PCDHA1: variants seen among roughly 807,000 people sequenced by gnomAD.
PCDHA1 encodes the protein protocadherin alpha-1.
In PCDHA1, 42 loss-of-function variants were observed where a neutral mutation model predicts 61.3. That is an observed-to-expected ratio of 0.69 (90% CI 0.54 to 0.89). The LOEUF is 0.89. Ranked by LOEUF, PCDHA1 falls within the 40% of genes least tolerant of loss-of-function variation. The probability of loss-of-function intolerance (pLI) is 0.00; values close to 1 mark genes in which losing one functional copy is unlikely to be tolerated. For missense variants in PCDHA1, 1,256 were observed against 1,235.3 expected (o/e 1.02, Z -0.25); for synonymous variants, 610 against 553.8 (o/e 1.10, Z -1.43).
intron 1 of PCDHA1, chr5:140,801,842 T>G: frequency 6.2e-7 from 1 of 1,614,054 alleles, no homozygotes; most frequent in Non-Finnish European, 8.5e-7. Flanking sequence ...TAACAGCAAT[T>G]GATGGTGGGA....
intron 1 of PCDHA1, chr5:140,807,762 T>C (rs1764027827): frequency 1.2e-6 from 2 of 1,614,224 alleles, no homozygotes; most frequent in East Asian, 2.2e-5. Flanking sequence ...GTAAAAGGTC[T>C]TGGGCTTATA....
rs149782026 is a variant in PCDHA1, at chr5:140,944,645, G to A, written c.2395-34304G>A. ...TAGTGTTGTAAGCCAGTGTGGATTG[G>A]GAGTCCATACCCCTTATTTATCTAT... On this transcript the variant is annotated intron_variant, in intron 1 of 3. Coordinates refer to ENST00000504120, the MANE Select transcript of PCDHA1 (RefSeq NM_018900.4). Among the ~76,000 whole-genome samples, 728 of 152,260 alleles carry A rather than the reference G, an allele frequency of 4.8e-3. 7 individuals are homozygous for A. The highest frequency in any genetic ancestry group is 0.017 in the African/African-American group (702 of 41,552).
intron 1 of PCDHA1, among the ~76,000 whole-genome samples, chr5:140,917,324 CG>C (rs1299895515): frequency 5.3e-5 from 4 of 76,126 alleles, no homozygotes; most frequent in African/African-American, 1.7e-4. Context: ...GTTCATGTGG[CG>C]GGGGAGGGGG....
chr5:140,825,432 T>C (rs1768574114), intron 1 of PCDHA1: 1 of 147,582 alleles, frequency 6.8e-6, no homozygotes, highest in Admixed American at 6.8e-5. Flanking sequence ...ATAATAAATA[T>C]ATAATAATAA....
chr5:140,888,583 G>C (rs2061886743), intron 1 of PCDHA1, among the ~76,000 whole-genome samples: 1 of 152,184 alleles, frequency 6.6e-6, no homozygotes, highest in African/African-American at 2.4e-5. Flanking sequence ...AGATTTGTTA[G>C]TACACATTCA....
intron 3 of PCDHA1, among the ~76,000 whole-genome samples, chr5:140,997,576 G>A (rs528258685): frequency 5.9e-5 from 9 of 152,166 alleles, no homozygotes; most frequent in African/African-American, 2.4e-5. Flanking sequence ...TGTGTGGTCC[G>A]TTGTTGACTG....
At chr5:140,813,486 C>A (rs2126646762) in intron 1 of PCDHA1, 1 of 152,128 alleles carries the variant, frequency 6.6e-6, no homozygotes, top group Non-Finnish European at 1.5e-5. Context: ...TATATCTAAA[C>A]ATCTAAAAGG....
Position 140,842,808 on chromosome 5 carries a change from A to G in PCDHA1, c.2394+54124A>G. 1.3e-6 allele frequency: 2 copies of G among 1,594,086 alleles called. No individual in the cohort carries two copies. Among genetic ancestry groups the G allele is most frequent in the Non-Finnish European group, 1.7e-6 (2 of 1,165,358 alleles). ...GCGCTGGTGTCCTACTCGCTTGTGG[A>G]GCGGCGGGTGGGCGAGCGCTCGCTG... On this transcript the variant is annotated intron_variant, in intron 1 of 3. Coordinates refer to ENST00000504120, the MANE Select transcript of PCDHA1 (RefSeq NM_018900.4).
rs1192549493 is a variant in PCDHA1, at chr5:140,824,420, T to A, written c.2394+35736T>A. ...AATAATTGTAAGACATAGTTTGGAG[T>A]CATTCTCAAAGTTTCAGTTTATGAC... On this transcript the variant is annotated intron_variant, in intron 1 of 3. Transcript: ENST00000504120. The A allele has an allele frequency of 2.3e-5, 12 of 510,878 alleles. No individual in the cohort carries two copies. The South Asian group carries it at 3.4e-4, about 14-fold the overall frequency. The allele number at this position is 510,878 out of a possible 1,614,324, so 31.6% of individuals were successfully genotyped here.
intron 1 of PCDHA1, chr5:140,824,124 C>G (rs2150132311): frequency 3.7e-5 from 59 of 1,613,132 alleles, no homozygotes; most frequent in Non-Finnish European, 4.8e-5. Flanking sequence ...CCTCTACAGA[C>G]AACGTGAGTT....
At position 140,944,954 on chromosome 5, in the gene PCDHA1, G is replaced by T. The variant is rs59917150; in HGVS notation, c.2395-33995G>T. Among the ~76,000 whole-genome samples the T allele has an allele frequency of 8.9e-3, 1,356 of 152,182 alleles. 15 individuals are homozygous for T. Among genetic ancestry groups the T allele is most frequent in the African/African-American group, 0.032 (1,311 of 41,514 alleles). ...CTTCTTTAGATGATTGTGAATAAGA[G>T]TATTATCTTAACCTCTCTGGTGGGT... On this transcript the variant is annotated intron_variant, in intron 1 of 3. Coordinates refer to ENST00000504120, the MANE Select transcript of PCDHA1 (RefSeq NM_018900.4).
intron 1 of PCDHA1, chr5:140,857,669 G>T (rs926570494): frequency 5.0e-6 from 8 of 1,596,800 alleles, no homozygotes; most frequent in East Asian, 2.2e-5. Flanking sequence ...CGATGGGGGC[G>T]TGCCGCCTCT....
At chr5:141,001,908 G>T (rs2098043431) in intron 3 of PCDHA1, among the ~76,000 whole-genome samples, 1 of 152,198 alleles carries the variant, frequency 6.6e-6, no homozygotes, top group Non-Finnish European at 1.5e-5. Flanking sequence ...GTTTGAAAAA[G>T]ACTGCAGTGG....
rs781878255 is a variant in PCDHA1 at position 140,856,536 on chromosome 5, A to G, written c.2394+67852A>G. 8.1e-6 allele frequency: 13 copies of G among 1,598,388 alleles called. 1 individual carries two copies. The East Asian group carries it at 2.2e-4, about 27-fold the overall frequency. ...GGCGCATCTGATGCGGATGTTGGAG[A>G]GAACGCATTGCTTACTTACAAACTC... is the stretch of plus-strand genomic sequence containing the variant. On this transcript the variant is annotated intron_variant, in intron 1 of 3. Transcript: ENST00000504120.
chr5:140,937,937 G>T (rs1584936873), intron 1 of PCDHA1, among the ~76,000 whole-genome samples: 1 of 151,274 alleles, frequency 6.6e-6, no homozygotes. Flanking sequence ...AGTTTAATTT[G>T]ATAATTGGCT....
intron 1 of PCDHA1, chr5:140,926,768 C>T: frequency 2.2e-6 from 3 of 1,361,764 alleles, no homozygotes; most frequent in Non-Finnish European, 2.9e-6. Context: ...GTATCCAGCC[C>T]GCAGCAGTGA....
chr5:140,848,317 A>T, intron 1 of PCDHA1: 1 of 749,894 alleles, frequency 1.3e-6, no homozygotes. Context: ...CTTTGCCGCG[A>T]TGTTCTCTCT....
chr5:140,834,552 G>A (rs2150220823), intron 1 of PCDHA1: 3 of 1,614,094 alleles, frequency 1.9e-6, no homozygotes, highest in Non-Finnish European at 8.5e-7. Flanking sequence ...GCTGGAGCTG[G>A]CGGAGCTGGT....
chr5:140,833,342 T>C (rs183757705), intron 1 of PCDHA1, among the ~76,000 whole-genome samples: 3 of 152,278 alleles, frequency 2.0e-5, no homozygotes, highest in Admixed American at 2.0e-4. Flanking sequence ...GAGTGAAACA[T>C]TCCAGAAAAC....
Sources: gnomAD v4.1 joint callset for allele counts (sites outside exome capture counted in the v4.1 genomes callset) on GRCh38, gnomAD v4.1.1 for gene constraint, MANE v1.5 for transcripts, NCBI Gene and HGNC (gene_info 2026-07-23, HGNC 2026-07-21) for gene names.